PRDM11: variants seen among roughly 807,000 people sequenced by gnomAD.
The protein encoded by PRDM11 is PR/SET domain 11.
A neutral mutation model predicts 97.8 loss-of-function variants in PRDM11; 20 were observed. The ratio of observed to expected loss-of-function variants is 0.20; its 90% CI spans 0.14 to 0.30. The LOEUF is 0.30. Ranked by LOEUF, PRDM11 falls within the 10% of genes least tolerant of loss-of-function variation. PRDM11 has a pLI of 1.00. For missense variants in PRDM11, 1,139 were observed against 1,555.2 expected (o/e 0.73, Z 4.50); for synonymous variants, 599 against 637.7 (o/e 0.94, Z 0.91).
chr11:45,192,310 G>C (rs1403210431), intron 4 of PRDM11, among the ~76,000 whole-genome samples: 4 of 152,142 alleles, frequency 2.6e-5, no homozygotes, highest in Non-Finnish European at 5.9e-5. Flanking sequence ...AGATGCAATG[G>C]ATCATAAAAC....
chr11:45,171,851 A>C (rs1181203111), intron 1 of PRDM11, among the ~76,000 whole-genome samples: 1 of 152,216 alleles, frequency 6.6e-6, no homozygotes, highest in African/African-American at 2.4e-5. Flanking sequence ...TCTGTCTCTG[A>C]GATGGTTCCC....
At chr11:45,205,120 C>A (rs571762095) in intron 5 of PRDM11, among the ~76,000 whole-genome samples, 13 of 152,286 alleles carry the variant, frequency 8.5e-5, no homozygotes, top group Admixed American at 4.6e-4. Flanking sequence ...TCAGAGCAGG[C>A]TCCTGCAGGG....
At chr11:45,173,571 G>A (rs1051255942) in intron 1 of PRDM11, among the ~76,000 whole-genome samples, 18 of 149,910 alleles carry the variant, frequency 1.2e-4, no homozygotes, top group Non-Finnish European at 2.5e-4. Flanking sequence ...GCAGTGAGCC[G>A]AGATCACGCC....
chr11:45,139,748 T>G (rs1168365391), intron 1 of PRDM11, among the ~76,000 whole-genome samples: 1 of 152,150 alleles, frequency 6.6e-6, no homozygotes, highest in Non-Finnish European at 1.5e-5. Flanking sequence ...AACCTAAATA[T>G]CCATTCGTTT....
At chr11:45,189,310 A>G (rs1221409834) in intron 4 of PRDM11, among the ~76,000 whole-genome samples, 1 of 152,234 alleles carries the variant, frequency 6.6e-6, no homozygotes, top group Non-Finnish European at 1.5e-5. Flanking sequence ...GGCATATTAA[A>G]ACTGGGAGAG....
chr11:45,163,443 A>T (rs191612663), intron 1 of PRDM11, among the ~76,000 whole-genome samples: 1 of 152,002 alleles, frequency 6.6e-6, no homozygotes, highest in Non-Finnish European at 1.5e-5. Flanking sequence ...TCTGCTGCTC[A>T]GGTGGCCCCT....
At chr11:45,146,357 C>T (rs376755971), upstream of PRDM11, among the ~76,000 whole-genome samples, 11 of 152,216 alleles carry the variant, frequency 7.2e-5, no homozygotes, top group East Asian at 3.9e-4. Context: ...AGAACTTTTA[C>T]TTCTGACCCC....
chr11:45,227,432 A>T lies in PRDM11; in HGVS notation c.2807A>T (p.Asn936Ile). The part of the protein sequence containing the change: ...PGEYLQEFEE[N>I]FRESFNGIAM... ...GAATACCTGCAGGAGTTCGAGGAGA[A>T]TTTCCGAGAGAGCTTCAACGGGATC... The change falls in exon 8 of 8, where the codon AAT becomes ATT. Residue 936 changes from asparagine (N) to isoleucine (I), a missense_variant. This residue lies in a region of PRDM11 where 710 missense variants were observed against 1,044.9 expected (regional missense o/e 0.68). Transcript: ENST00000683152. This position sits in a 1 kb window ranked among gnomAD's most constrained non-coding sequence, Gnocchi z 8.0. The T allele has an allele frequency of 6.5e-7, 1 of 1,533,856 alleles. No homozygotes were observed. Among genetic ancestry groups the T allele is most frequent in the Non-Finnish European group, 8.7e-7 (1 of 1,146,734 alleles).
chr11:45,154,700 A>G (rs1463087698), intron 1 of PRDM11, among the ~76,000 whole-genome samples: 1 of 152,112 alleles, frequency 6.6e-6, no homozygotes. Flanking sequence ...CATAAGAGCA[A>G]CCAGAACTCT....
intron 4 of PRDM11, among the ~76,000 whole-genome samples, chr11:45,187,658 C>A (rs1852754373): frequency 6.6e-6 from 1 of 152,112 alleles, no homozygotes; most frequent in Non-Finnish European, 1.5e-5. Flanking sequence ...AGCCAGCAGC[C>A]AGCAGCCAGC....
intron 1 of PRDM11, among the ~76,000 whole-genome samples, chr11:45,134,700 C>T (rs1250666213): frequency 2.5e-4 from 3 of 12,196 alleles, no homozygotes; most frequent in African/African-American, 6.6e-4. Context: ...CCCTGTCTCA[C>T]GAAAAAAAAA....
At chr11:45,142,776 G>C (rs1851432430), upstream of PRDM11, among the ~76,000 whole-genome samples, 2 of 152,170 alleles carry the variant, frequency 1.3e-5, no homozygotes, top group South Asian at 4.1e-4. Flanking sequence ...CTCAGCTGTT[G>C]GGTGAATGGA....
chr11:45,180,822 G>T (rs1319843370), intron 1 of PRDM11, among the ~76,000 whole-genome samples: 2 of 151,208 alleles, frequency 1.3e-5, no homozygotes, highest in East Asian at 3.9e-4. Context: ...GGCAGGGGGC[G>T]GCGCGCCCGG....
rs954592604 is a variant in PRDM11, at chr11:45,231,111, G to A, written c.*2952G>A. ...GTGCTTGTGGCTTCTGCTGAATTTA[G>A]CCATGCCAGGGCTGTGGCAGACACT... On this transcript the variant is annotated 3_prime_UTR_variant, in exon 8 of 8. Transcript: ENST00000683152. The A allele has an allele frequency of 6.6e-6, 1 of 152,188 alleles. No homozygotes were observed. The highest frequency in any genetic ancestry group is 2.4e-5 in the African/African-American group (1 of 41,432). 9.4% of individuals were successfully genotyped at this position (152,188 alleles called of 1,614,324 possible). A position where few individuals can be genotyped will look rare whatever the true frequency, so the allele number is the denominator to read the frequency against.
At chr11:45,210,803 G>A (rs1282535881) in intron 5 of PRDM11, among the ~76,000 whole-genome samples, 1 of 152,204 alleles carries the variant, frequency 6.6e-6, no homozygotes, top group Non-Finnish European at 1.5e-5. Context: ...TCAGAAGCAG[G>A]ACTTGAACCC....
At chr11:45,153,507 A>G (rs1443543655) in intron 1 of PRDM11, among the ~76,000 whole-genome samples, 2 of 152,206 alleles carry the variant, frequency 1.3e-5, no homozygotes, top group African/African-American at 2.4e-5. Flanking sequence ...GTCTTGGGCC[A>G]TCTCCTGGGT....
At chr11:45,176,501 G>A (rs1479106234) in intron 1 of PRDM11, among the ~76,000 whole-genome samples, 1 of 152,160 alleles carries the variant, frequency 6.6e-6, no homozygotes, top group Non-Finnish European at 1.5e-5. Flanking sequence ...GTGTTAAACA[G>A]CCCTATGAGA....
chr11:45,213,701 G>A (rs1288787353), intron 5 of PRDM11: 1 of 456,504 alleles, frequency 2.2e-6, no homozygotes, highest in Non-Finnish European at 4.4e-6. Flanking sequence ...GGTCTCAGTG[G>A]GGGCTCAGGA....
chr11:45,171,789 C>T (rs1852207473), intron 1 of PRDM11, among the ~76,000 whole-genome samples: 1 of 152,194 alleles, frequency 6.6e-6, no homozygotes, highest in African/African-American at 2.4e-5. Context: ...GCAGAGGTAG[C>T]GTGGATTTCA....
Sources: gnomAD v4.1 joint callset for allele counts (sites outside exome capture counted in the v4.1 genomes callset) on GRCh38, gnomAD v4.1.1 for gene constraint, gnomAD v4.1.1 regional missense constraint, Gnocchi (gnomAD v3.1) non-coding constraint, MANE v1.5 for transcripts, NCBI Gene and HGNC (gene_info 2026-07-23, HGNC 2026-07-21) for gene names.